The following HHLA2 variants were observed in gnomAD, a reference collection of about 807,000 sequenced individuals.
HHLA2 encodes the protein HHLA2 member of B7 family, also known as HERV-H LTR-associating protein 2.
HHLA2 carries 48 observed loss-of-function variants against 45.9 expected under a neutral mutation model. The ratio of observed to expected loss-of-function variants is 1.05; its 90% CI spans 0.83 to 1.33. HHLA2 has a LOEUF of 1.33. Among genes scored for constraint, HHLA2 ranks in the 40% most tolerant of loss-of-function variants. The probability of loss-of-function intolerance (pLI) is 0.00; values close to 1 mark genes in which losing one functional copy is unlikely to be tolerated. For missense variants in HHLA2, 462 were observed against 494.3 expected (o/e 0.93, Z 0.62); for synonymous variants, 161 against 173.9 (o/e 0.93, Z 0.59).
At chr3:108,317,609 C>A (rs1374741560) in intron 2 of HHLA2, among the ~76,000 whole-genome samples, 1 of 147,664 alleles carries the variant, frequency 6.8e-6, no homozygotes, top group Non-Finnish European at 1.5e-5. Context: ...GAGTCTCACT[C>A]TGTTGCCCAG....
intron 3 of HHLA2, among the ~76,000 whole-genome samples, chr3:108,347,618 T>G (rs1168532728): frequency 6.6e-6 from 1 of 152,166 alleles, no homozygotes; most frequent in Non-Finnish European, 1.5e-5. Context: ...TCCTGACTGC[T>G]GTATTGACAG....
At chr3:108,309,409 T>G (rs535733226) in intron 1 of HHLA2, among the ~76,000 whole-genome samples, 2 of 152,190 alleles carry the variant, frequency 1.3e-5, no homozygotes, top group Non-Finnish European at 2.9e-5. Context: ...TTGACTATTA[T>G]AGCTCTGTAG....
intron 1 of HHLA2, among the ~76,000 whole-genome samples, chr3:108,305,282 A>C (rs2080911518): frequency 6.6e-6 from 1 of 152,202 alleles, no homozygotes. Context: ...AGGCAAGGGA[A>C]GATGGGCAGC....
intron 3 of HHLA2, among the ~76,000 whole-genome samples, chr3:108,340,879 A>AAT (rs1249303451): frequency 4.3e-5 from 6 of 140,562 alleles, no homozygotes; most frequent in African/African-American, 1.1e-4. Context: ...GGAGAGTAAA[A>AAT]TAGCCAAACT....
chr3:108,369,786 G>A (rs1221175815), intron 8 of HHLA2, among the ~76,000 whole-genome samples: 1 of 152,200 alleles, frequency 6.6e-6, no homozygotes, highest in Non-Finnish European at 1.5e-5. Flanking sequence ...CCATTGCCGA[G>A]GCTTGAGTAG....
chr3:108,304,295 A>G (rs1427122458), intron 1 of HHLA2, among the ~76,000 whole-genome samples: 2 of 152,224 alleles, frequency 1.3e-5, no homozygotes, highest in East Asian at 3.8e-4. Context: ...GGCTTAAATT[A>G]AGAAAAACAT....
chr3:108,321,095 A>T (rs967895387), intron 2 of HHLA2, among the ~76,000 whole-genome samples: 6 of 146,440 alleles, frequency 4.1e-5, no homozygotes, highest in African/African-American at 1.5e-4. Context: ...GGTGTTTAAA[A>T]AAAAAAAAAA....
At chr3:108,314,280 C>G (rs1401676289) in intron 2 of HHLA2, among the ~76,000 whole-genome samples, 1 of 150,932 alleles carries the variant, frequency 6.6e-6, no homozygotes, top group Admixed American at 6.6e-5. Context: ...ATTCCATATT[C>G]TTGTGAGCAC....
At chr3:108,355,005 C>G (rs750687621) in intron 5 of HHLA2, 110 bp from the exon 5 acceptor site, 36 of 1,161,690 alleles carry the variant, frequency 3.1e-5, no homozygotes, top group Non-Finnish European at 4.3e-5. Context: ...AAGTTTTGCT[C>G]ATAAAATTTA....
Position 108,356,463 on chromosome 3 carries a change from A to G in HHLA2, c.685+1082A>G, listed in dbSNP as rs79921363. On this transcript the variant is annotated intron_variant, in intron 6 of 10. Coordinates refer to ENST00000619531, the Ensembl canonical transcript of HHLA2. ...TATTCTCAAAATGCTCACCAAAAAT[A>G]TACTGAAATTGTGGGTGATTCACCA... Among the ~76,000 whole-genome samples the G allele has an allele frequency of 3.6e-3, 545 of 152,240 alleles. 4 individuals are homozygous for G. The highest frequency in any genetic ancestry group is 0.014 in the Middle Eastern group (4 of 294).
In HHLA2 at chr3:108,328,269, G is replaced by A; in HGVS notation, c.-104-1G>A. The stretch of plus-strand genomic sequence containing the variant: ...ACCTTAATCTAATTTTATCCACACA[G>A]CATGTAGGAGAATACTAACCCTGCA... On this transcript the variant is annotated splice_acceptor_variant, in intron 2 of 10. Coordinates refer to ENST00000619531, the Ensembl canonical transcript of HHLA2. LOFTEE classifies it low-confidence loss of function (5UTR_SPLICE). 1 of 1,456,008 alleles carries A rather than the reference G, an allele frequency of 6.9e-7. No individual in the cohort carries two copies. Among genetic ancestry groups the A allele is most frequent in the Non-Finnish European group, 9.1e-7 (1 of 1,096,600 alleles). The allele number at this position is 1,456,008 out of a possible 1,614,324, so 90.2% of individuals were successfully genotyped here.
chr3:108,375,861 A>G (rs2082267021), intron 9 of HHLA2, 61 bp downstream of exon 8: 1 of 1,583,498 alleles, frequency 6.3e-7, no homozygotes, highest in African/African-American at 1.3e-5. Flanking sequence ...GTCAAAAGAT[A>G]TCGGCAAAAA....
rs868727161 is a variant in HHLA2, at chr3:108,349,213, A to T, written c.-26-2575A>T. Among the ~76,000 whole-genome samples the T allele has an allele frequency of 4.4e-3, 59 of 13,278 alleles. 1 individual carries two copies. The highest frequency in any genetic ancestry group is 0.013 in the Non-Finnish European group (42 of 3,144). 8.7% of individuals were successfully genotyped at this position (13,278 alleles called of 152,430 possible). A position where few individuals can be genotyped will look rare whatever the true frequency, so the allele number is the denominator to read the frequency against. On this transcript the variant is annotated intron_variant, in intron 3 of 10. Coordinates refer to ENST00000619531, the Ensembl canonical transcript of HHLA2. The stretch of plus-strand genomic sequence containing the variant: ...ATGAATCCAAGAGCTGTTTTTTTTA[A>T]AAAAAAAAATCAACAAAATAGATAG...
chr3:108,326,233 C>T (rs1456689134), intron 2 of HHLA2: 5 of 195,272 alleles, frequency 2.6e-5, no homozygotes, highest in Non-Finnish European at 5.4e-5. Flanking sequence ...ATGGTGTATT[C>T]GTCCAATTTG....
In HHLA2 at chr3:108,375,737, C is replaced by T; in HGVS notation, c.1109-13C>T. On this transcript the variant is annotated splice_polypyrimidine_tract_variant and intron_variant, in intron 8 of 10. Coordinates refer to ENST00000619531, the Ensembl canonical transcript of HHLA2. ...AATACCTAATTTCACTCTTCCCTGT[C>T]TCTGATCTACAGCCCAGCTAGAAGC... 6.2e-7 allele frequency: 1 copy of T among 1,609,578 alleles called. No individual in the cohort carries two copies. Among genetic ancestry groups the T allele is most frequent in the Non-Finnish European group, 8.5e-7 (1 of 1,177,162 alleles).
chr3:108,307,900 T>C (rs975512595), intron 1 of HHLA2, among the ~76,000 whole-genome samples: 1 of 152,172 alleles, frequency 6.6e-6, no homozygotes, highest in Non-Finnish European at 1.5e-5. Flanking sequence ...ATAACAGGTA[T>C]ATATATGTAT....
At chr3:108,377,325 C>G (rs1179016174) in exon 11 of HHLA2, 1 of 1,426,254 alleles carries the variant, frequency 7.0e-7, no homozygotes, top group Non-Finnish European at 9.8e-7. Context: ...TCCTTAATAT[C>G]CAGTGACTTC....
At chr3:108,347,094 A>G (rs1277429456) in intron 3 of HHLA2, among the ~76,000 whole-genome samples, 2 of 152,198 alleles carry the variant, frequency 1.3e-5, no homozygotes, top group Admixed American at 1.3e-4. Context: ...GGGCAACTTC[A>G]GTATAATCTA....
At chr3:108,301,790 G>A (rs1024104503) in intron 1 of HHLA2, among the ~76,000 whole-genome samples, 5 of 152,048 alleles carry the variant, frequency 3.3e-5, no homozygotes, top group African/African-American at 1.2e-4. Context: ...GAACCAAGCA[G>A]CATGCTTTAC....
Sources: gnomAD v4.1 joint callset for allele counts (sites outside exome capture counted in the v4.1 genomes callset) on GRCh38, gnomAD v4.1.1 for gene constraint, MANE v1.5 for transcripts, NCBI Gene and HGNC (gene_info 2026-07-23, HGNC 2026-07-21) for gene names.